GRK3: variants seen among roughly 807,000 people sequenced by gnomAD.
GRK3 encodes G protein-coupled receptor kinase 3.
GRK3 carries 54 observed loss-of-function variants against 95.7 expected under a neutral mutation model. That is an observed-to-expected ratio of 0.56 (90% CI 0.45 to 0.71). GRK3 has a LOEUF of 0.71. Ranked by LOEUF, GRK3 falls within the 30% of genes least tolerant of loss-of-function variation. GRK3 has a pLI of 0.00. For synonymous variants in GRK3, 281 were observed against 290.8 expected, an observed-to-expected ratio of 0.97 and a Z score of 0.34; for missense variants, 649 against 851.2, an observed-to-expected ratio of 0.76 and a Z score of 2.96.
chr22:25,606,736 C>A (rs997953267), intron 2 of GRK3, among the ~76,000 whole-genome samples: 5 of 152,188 alleles, frequency 3.3e-5, no homozygotes, highest in Non-Finnish European at 5.9e-5. Context: ...GAACTGCCCT[C>A]CAATGTGTGC....
At chr22:25,609,653 A>G (rs533134489) in intron 2 of GRK3, among the ~76,000 whole-genome samples, 10 of 152,220 alleles carry the variant, frequency 6.6e-5, no homozygotes, top group African/African-American at 2.4e-4. Flanking sequence ...TTAATACATG[A>G]AGTATGTAAA....
intron 1 of GRK3, among the ~76,000 whole-genome samples, chr22:25,593,475 A>G (rs1286299132): frequency 1.3e-5 from 2 of 151,298 alleles, no homozygotes; most frequent in African/African-American, 4.9e-5. Flanking sequence ...GCATTTTTTC[A>G]TATGTTTGTT....
At chr22:25,640,557 T>C (rs917475596) in intron 2 of GRK3, among the ~76,000 whole-genome samples, 1 of 152,234 alleles carries the variant, frequency 6.6e-6, no homozygotes, top group African/African-American at 2.4e-5. Flanking sequence ...TGTCTTAATC[T>C]CCTTGGCAAA....
At chr22:25,650,506 T>C (rs940368340) in intron 3 of GRK3, among the ~76,000 whole-genome samples, 6 of 152,136 alleles carry the variant, frequency 3.9e-5, no homozygotes, top group African/African-American at 1.4e-4. Flanking sequence ...AAATAGAAAA[T>C]AGAACCAGAT....
intron 1 of GRK3, among the ~76,000 whole-genome samples, chr22:25,602,095 C>T (rs2084413208): frequency 6.6e-6 from 1 of 152,116 alleles, no homozygotes; most frequent in Non-Finnish European, 1.5e-5. Context: ...GGACTTATTT[C>T]TGGACTAAAT....
intron 3 of GRK3, among the ~76,000 whole-genome samples, chr22:25,652,872 A>G (rs1487016929): frequency 3.3e-5 from 5 of 152,196 alleles, no homozygotes; most frequent in Non-Finnish European, 7.3e-5. Context: ...AGTTGCCTGC[A>G]GTATTCAGTA....
chr22:25,705,052 A>T (rs1207137687), intron 15 of GRK3, among the ~76,000 whole-genome samples: 4 of 152,222 alleles, frequency 2.6e-5, no homozygotes, highest in African/African-American at 9.7e-5. Flanking sequence ...ACATATGTGT[A>T]TGTATTTTTA....
In GRK3 at chr22:25,605,382, C is replaced by A. The variant is rs370790900; in HGVS notation, c.190+929C>A. Reference sequence around the variant, plus strand: ...CATTTTGTTAGTTCTTACGGCTTCTCATTACTTTCATGGTGTGTGGTTACT... The same window carrying A: ...CATTTTGTTAGTTCTTACGGCTTCTAATTACTTTCATGGTGTGTGGTTACT... On this transcript the variant is annotated intron_variant, in intron 2 of 20. Coordinates refer to ENST00000324198, the MANE Select transcript of GRK3 (RefSeq NM_005160.4). Among the ~76,000 whole-genome samples, 96 of 152,246 alleles carry A rather than the reference C, an allele frequency of 6.3e-4. No homozygotes were observed. The East Asian group carries it at 0.01, about 16-fold the overall frequency.
At chr22:25,570,276 G>T (rs1024297262) in intron 1 of GRK3, among the ~76,000 whole-genome samples, 3 of 152,032 alleles carry the variant, frequency 2.0e-5, no homozygotes, top group African/African-American at 7.3e-5. Flanking sequence ...AATCTTGCTG[G>T]TGTTAATGAG....
intron 5 of GRK3, among the ~76,000 whole-genome samples, chr22:25,667,369 A>AT (rs1019730043): frequency 3.9e-5 from 6 of 152,198 alleles, no homozygotes; most frequent in Non-Finnish European, 7.3e-5. Context: ...TACAAAAATG[A>AT]TTAAGAATTT....
Position 25,722,379 on chromosome 22 carries a change from A to C in GRK3, c.1996A>C (p.Asn666His). The change falls in exon 21 of 21, where the codon AAC becomes CAC. Residue 666 changes from asparagine (N) to histidine (H), a missense_variant. Physicochemically the swap from Asn to His is moderately conservative, Grantham distance 68. This residue lies in a region of GRK3 where 382 missense variants were observed against 493.8 expected (regional missense o/e 0.77). Transcript: ENST00000324198. ...ATTGCGTCGTGCCCCGAAGTTCCTC[A>C]ACAAACCTCGGTCAGGTACTGTGGA... ...RLLRRAPKFL[N>H]KPRSGTVELP... 6.2e-7 allele frequency: 1 copy of C among 1,614,044 alleles called. No individual in the cohort carries two copies. The highest frequency in any genetic ancestry group is 2.2e-5 in the East Asian group (1 of 44,890).
In GRK3 at chr22:25,722,434, A is replaced by G. The variant is rs1343667341; in HGVS notation, c.2051A>G (p.Asn684Ser). The change falls in exon 21 of 21, where the codon AAC becomes AGC. Residue 684 changes from asparagine (N) to serine (S), a missense_variant. Transcript: ENST00000324198. ...ELPKPSLCHR[N>S]SNGL is the part of the protein sequence containing the mutation. ...CCAAAGCCATCCCTCTGTCACAGAA[A>G]CAGCAACGGCCTCTAGCACCCAGAA... The G allele has an allele frequency of 3.1e-6, 5 of 1,614,156 alleles. No homozygotes were observed. Among genetic ancestry groups the G allele is most frequent in the Non-Finnish European group, 4.2e-6 (5 of 1,180,018 alleles).
At chr22:25,682,120 T>C (rs1448351578) in intron 9 of GRK3, among the ~76,000 whole-genome samples, 1 of 152,200 alleles carries the variant, frequency 6.6e-6, no homozygotes, top group East Asian at 1.9e-4. Flanking sequence ...TGGACTTTAG[T>C]TAAAGCATTT....
chr22:25,616,285 A>G (rs563229125), intron 2 of GRK3, among the ~76,000 whole-genome samples: 66 of 150,982 alleles, frequency 4.4e-4, no homozygotes, highest in African/African-American at 1.2e-3. Context: ...CCACAGGCCT[A>G]AGAGGAAGCA....
chr22:25,590,104 T>C (rs1002987308), intron 1 of GRK3, among the ~76,000 whole-genome samples: 2 of 151,430 alleles, frequency 1.3e-5, no homozygotes, highest in Non-Finnish European at 2.9e-5. Flanking sequence ...AATTTTGTTT[T>C]ATCTATACCT....
intron 1 of GRK3, among the ~76,000 whole-genome samples, chr22:25,587,928 GATACAT>G (rs1313238944): frequency 6.6e-6 from 1 of 152,164 alleles, no homozygotes; most frequent in Non-Finnish European, 1.5e-5. Flanking sequence ...CTGTTTCCTG[GATACAT>G]TACCCAGTCT....
At chr22:25,709,061 G>A (rs1183738746) in intron 15 of GRK3, among the ~76,000 whole-genome samples, 1 of 145,992 alleles carries the variant, frequency 6.8e-6, no homozygotes, top group Admixed American at 6.9e-5. Context: ...TTTTTGAGAT[G>A]GAGTCTCGCT....
At chr22:25,678,678 G>T in intron 8 of GRK3, 138 bp from the exon 9 acceptor site, 1 of 439,472 alleles carries the variant, frequency 2.3e-6, no homozygotes, top group Middle Eastern at 6.2e-4. Context: ...AATACTTCTT[G>T]CATGGCGCTT....
intron 12 of GRK3, among the ~76,000 whole-genome samples, chr22:25,690,641 A>G (rs1286816944): frequency 1.3e-5 from 2 of 152,182 alleles, no homozygotes; most frequent in Non-Finnish European, 2.9e-5. Context: ...CCTAAGGATA[A>G]GTGAAAGAGA....
Sources: allele counts gnomAD v4.1 joint callset (sites outside exome capture counted in the v4.1 genomes callset), GRCh38; gene constraint gnomAD v4.1.1; regional missense constraint gnomAD v4.1.1; transcripts MANE v1.5; gene names NCBI Gene and HGNC (gene_info 2026-07-23, HGNC 2026-07-21).